MACROD2: variants seen among roughly 807,000 people sequenced by gnomAD.
The protein encoded by MACROD2 is mono-ADP ribosylhydrolase 2.
A neutral mutation model predicts 70.4 loss-of-function variants in MACROD2; 36 were observed. The observed-to-expected ratio is 0.51, with a 90% CI of 0.39 to 0.68. The LOEUF is 0.68. Ranked by LOEUF, MACROD2 falls within the 30% of genes least tolerant of loss-of-function variation. The probability of loss-of-function intolerance (pLI) is 0.00; values close to 1 mark genes in which losing one functional copy is unlikely to be tolerated. For synonymous variants in MACROD2, 172 were observed against 178.8 expected (o/e 0.96, Z 0.30); for missense variants, 496 against 538.4 (o/e 0.92, Z 0.78).
At chr20:14,447,798 C>T (rs1450103813) in intron 3 of MACROD2, among the ~76,000 whole-genome samples, 2 of 151,750 alleles carry the variant, frequency 1.3e-5, no homozygotes, top group African/African-American at 2.4e-5. Context: ...AATTTTGACT[C>T]CTGCTTGAGA....
chr20:15,273,128 G>A (rs767109935), intron 6 of MACROD2, among the ~76,000 whole-genome samples: 4 of 152,154 alleles, frequency 2.6e-5, no homozygotes, highest in East Asian at 1.9e-4. Flanking sequence ...TGCCAAAAGA[G>A]ATTAACATTT....
intron 5 of MACROD2, among the ~76,000 whole-genome samples, chr20:14,858,858 C>T (rs1336102249): frequency 1.3e-5 from 2 of 151,970 alleles, no homozygotes; most frequent in African/African-American, 4.8e-5. Context: ...GTACTCACCT[C>T]AAAGGTTGTT....
intron 5 of MACROD2, among the ~76,000 whole-genome samples, chr20:14,882,102 C>T (rs1182805371): frequency 1.3e-5 from 2 of 152,166 alleles, no homozygotes; most frequent in Non-Finnish European, 2.9e-5. Flanking sequence ...AGTAAGGAGT[C>T]AAGCTCAGGC....
intron 3 of MACROD2, among the ~76,000 whole-genome samples, chr20:14,404,598 C>CAA (rs11482070): frequency 3.6e-4 from 53 of 149,186 alleles, no homozygotes; most frequent in Middle Eastern, 3.4e-3. Context: ...CCCCCATCTC[C>CAA]AAAAAAAAAA....
chr20:15,700,662 G>A (rs1351750386), intron 8 of MACROD2, among the ~76,000 whole-genome samples: 1 of 152,096 alleles, frequency 6.6e-6, no homozygotes, highest in Middle Eastern at 3.2e-3. Context: ...CCTCAATTTT[G>A]TTGTCTTTTA....
intron 5 of MACROD2, among the ~76,000 whole-genome samples, chr20:14,714,733 C>G (rs11087104): frequency 0.31 from 47,017 of 151,986 alleles, 8,204 homozygotes; most frequent in East Asian, 0.7. Flanking sequence ...TTATCCTTCA[C>G]ATCAACACAC....
At chr20:15,458,592 C>G (rs1199525477) in intron 7 of MACROD2, among the ~76,000 whole-genome samples, 1 of 146,824 alleles carries the variant, frequency 6.8e-6, no homozygotes, top group Non-Finnish European at 1.5e-5. Context: ...TTCTTTGGGA[C>G]AGATAAAGGC....
chr20:15,132,348 G>T (rs1481443319), intron 5 of MACROD2, among the ~76,000 whole-genome samples: 3 of 151,900 alleles, frequency 2.0e-5, no homozygotes, highest in Non-Finnish European at 4.4e-5. Flanking sequence ...AATTTAAAGG[G>T]TCTGAATAAA....
chr20:15,797,965 T>G (rs894941808), intron 8 of MACROD2, among the ~76,000 whole-genome samples: 4 of 152,236 alleles, frequency 2.6e-5, no homozygotes, highest in Admixed American at 1.3e-4. Context: ...AGTCATATAG[T>G]AAATATCTTA....
chr20:15,331,571 A>G (rs1003996469), intron 6 of MACROD2, among the ~76,000 whole-genome samples: 1 of 151,698 alleles, frequency 6.6e-6, no homozygotes. Flanking sequence ...GCTTCAGACA[A>G]TTTATGCTCA....
intron 10 of MACROD2, among the ~76,000 whole-genome samples, chr20:15,898,908 GCA>G (rs1409469287): frequency 6.6e-6 from 1 of 151,302 alleles, no homozygotes; most frequent in African/African-American, 2.4e-5. Flanking sequence ...ATATATATAT[GCA>G]CACACACATA....
At chr20:15,813,852 G>A (rs149644318) in intron 8 of MACROD2, among the ~76,000 whole-genome samples, 1 of 152,180 alleles carries the variant, frequency 6.6e-6, no homozygotes, top group Non-Finnish European at 1.5e-5. Context: ...TGTGTACATA[G>A]GGAAGAAACT....
chr20:14,859,842 C>A lies in MACROD2; in HGVS notation c.418+174883C>A, dbSNP rs370875479. Among the ~76,000 whole-genome samples the A allele has an allele frequency of 9.0e-4, 137 of 152,178 alleles. 1 individual carries two copies. The highest frequency in any genetic ancestry group is 3.0e-3 in the African/African-American group (126 of 41,520). Reference sequence around the variant, plus strand: ...TTTGCAATAATTGTCATTCTCAGTTCCCTTAAGTACTAAATAGGAGAAAAG... The same window carrying A: ...TTTGCAATAATTGTCATTCTCAGTTACCTTAAGTACTAAATAGGAGAAAAG... On this transcript the variant is annotated intron_variant, in intron 5 of 17. Coordinates refer to ENST00000684519, the MANE Select transcript of MACROD2 (RefSeq NM_001351661.2).
At chr20:14,584,838 T>A (rs1173229511) in intron 4 of MACROD2, among the ~76,000 whole-genome samples, 1 of 152,200 alleles carries the variant, frequency 6.6e-6, no homozygotes, top group Non-Finnish European at 1.5e-5. Context: ...AACTAGAAAT[T>A]ATTGTCAGTT....
At chr20:14,757,643 A>G in intron 5 of MACROD2, 1 of 1,222,310 alleles carries the variant, frequency 8.2e-7, no homozygotes. Flanking sequence ...GGACATCCAC[A>G]TGCCTAAGCA....
At chr20:15,152,698 G>A (rs1445594126) in intron 5 of MACROD2, among the ~76,000 whole-genome samples, 1 of 151,942 alleles carries the variant, frequency 6.6e-6, no homozygotes, top group African/African-American at 2.4e-5. Flanking sequence ...GGGACTTGCC[G>A]CTAAGGGTGA....
At chr20:14,052,896 A>G (rs957846530) in intron 2 of MACROD2, among the ~76,000 whole-genome samples, 1 of 152,188 alleles carries the variant, frequency 6.6e-6, no homozygotes, top group Non-Finnish European at 1.5e-5. Flanking sequence ...AGCAGTTGGA[A>G]CTTACTCCTG....
At chr20:14,463,906 C>A (rs1216826721) in intron 3 of MACROD2, among the ~76,000 whole-genome samples, 2 of 151,866 alleles carry the variant, frequency 1.3e-5, no homozygotes, top group African/African-American at 4.8e-5. Flanking sequence ...GGTGGATAAG[C>A]TTTTTGATGT....
rs182556533 is a variant in MACROD2 at position 14,574,512 on chromosome 20, A to G, written c.301+81004A>G. ...CTGCTTAAGTCCTGCAGAGCCCATA[A>G]CAGTCTAGGTTTTTCTGATGCTCTT... On this transcript the variant is annotated intron_variant, in intron 4 of 17. Transcript: ENST00000684519. Among the ~76,000 whole-genome samples, 9 of 152,212 alleles carry G rather than the reference A, an allele frequency of 5.9e-5. No individual in the cohort carries two copies. In the East Asian group the frequency reaches 1.7e-3, roughly 29 times the overall value.
Sources: gnomAD v4.1 joint callset for allele counts (sites outside exome capture counted in the v4.1 genomes callset) on GRCh38, gnomAD v4.1.1 for gene constraint, MANE v1.5 for transcripts, NCBI Gene and HGNC (gene_info 2026-07-23, HGNC 2026-07-21) for gene names.